The following SPOCK1 variants were observed in gnomAD, a reference collection of about 807,000 sequenced individuals.
The protein encoded by SPOCK1 is testican-1.
In SPOCK1, 23 loss-of-function variants were observed where a neutral mutation model predicts 55.3. That is an observed-to-expected ratio of 0.42 (90% confidence interval 0.30 to 0.59). The LOEUF is 0.59. Ranked by LOEUF, SPOCK1 falls within the 20% of genes least tolerant of loss-of-function variation. SPOCK1 has a pLI of 0.22. For synonymous variants in SPOCK1, 226 were observed against 221.0 expected (o/e 1.02, Z -0.20); for missense variants, 499 against 552.5 (o/e 0.90, Z 0.97).
At chr5:136,989,711 T>A (rs1424213743) in intron 7 of SPOCK1, among the ~76,000 whole-genome samples, 1 of 152,126 alleles carries the variant, frequency 6.6e-6, no homozygotes, top group East Asian at 1.9e-4. Flanking sequence ...ACACCTCTGC[T>A]AGCCTTCTGC....
chr5:137,482,803 A>T (rs778011378), intron 2 of SPOCK1, among the ~76,000 whole-genome samples: 28 of 152,340 alleles, frequency 1.8e-4, no homozygotes, highest in Middle Eastern at 3.4e-3. Context: ...CCATCTGGAG[A>T]CTGTCAGTTC....
At chr5:137,494,693 A>G (rs1003128213) in intron 2 of SPOCK1, among the ~76,000 whole-genome samples, 1 of 152,268 alleles carries the variant, frequency 6.6e-6, no homozygotes, top group African/African-American at 2.4e-5. Context: ...CATAAGTTAA[A>G]GAATTTCCTC....
At chr5:137,357,834 A>C (rs1750850302) in intron 2 of SPOCK1, among the ~76,000 whole-genome samples, 1 of 152,186 alleles carries the variant, frequency 6.6e-6, no homozygotes, top group East Asian at 1.9e-4. Context: ...TGGAACCCTT[A>C]TAATTCCCTC....
chr5:137,091,019 G>T (rs560493050), intron 5 of SPOCK1, among the ~76,000 whole-genome samples: 34 of 152,142 alleles, frequency 2.2e-4, no homozygotes, highest in Non-Finnish European at 3.4e-4. Context: ...ATGAAAATGG[G>T]GCCACAGGAT....
rs1211262430 is a variant in SPOCK1, at chr5:136,976,004, T to C, written c.*2650A>G. On this transcript the variant is annotated 3_prime_UTR_variant, in exon 11 of 11. Transcript: ENST00000394945. The stretch of plus-strand genomic sequence containing the variant: ...GAAGTGGTTTATTACAATATTTTTA[T>C]AATCAGTATTTTATGTGTACTTGGT... The C allele has an allele frequency of 6.6e-6, 1 of 152,342 alleles. No homozygotes were observed. Among genetic ancestry groups the C allele is most frequent in the East Asian group, 1.9e-4 (1 of 5,184 alleles). The allele number at this position is 152,342 out of a possible 1,614,324, so 9.4% of individuals were successfully genotyped here.
At chr5:137,465,040 A>G (rs1445708584) in intron 2 of SPOCK1, among the ~76,000 whole-genome samples, 4 of 152,178 alleles carry the variant, frequency 2.6e-5, no homozygotes, top group Non-Finnish European at 4.4e-5. Flanking sequence ...GAACAACGCT[A>G]TAGAAGCCAC....
chr5:137,205,011 A>G (rs1755494333), intron 3 of SPOCK1, among the ~76,000 whole-genome samples: 1 of 152,190 alleles, frequency 6.6e-6, no homozygotes, highest in African/African-American at 2.4e-5. Context: ...AGAAGTGATA[A>G]TCCCAATGAC....
chr5:137,408,838 G>T (rs557742068), intron 2 of SPOCK1, among the ~76,000 whole-genome samples: 36 of 152,292 alleles, frequency 2.4e-4, no homozygotes, highest in African/African-American at 7.9e-4. Context: ...CTTACTAGCT[G>T]CATGGCCTTG....
chr5:137,273,343 T>C (rs1490428939), intron 2 of SPOCK1: 4 of 980,752 alleles, frequency 4.1e-6, no homozygotes, highest in African/African-American at 1.7e-5. Context: ...TTTAATGCTA[T>C]GTCTACATAC....
At chr5:137,287,962 A>C (rs1440154734) in intron 2 of SPOCK1, among the ~76,000 whole-genome samples, 1 of 152,270 alleles carries the variant, frequency 6.6e-6, no homozygotes, top group Non-Finnish European at 1.5e-5. Context: ...AGAGGTAATC[A>C]ATAATCAAGA....
intron 2 of SPOCK1, among the ~76,000 whole-genome samples, chr5:137,323,920 C>T (rs1758027535): frequency 6.7e-6 from 1 of 148,874 alleles, no homozygotes; most frequent in Non-Finnish European, 1.5e-5. Flanking sequence ...CATAGAGGGT[C>T]CTCAAAAAAT....
intron 3 of SPOCK1, among the ~76,000 whole-genome samples, chr5:137,159,297 G>T (rs1754481640): frequency 6.6e-6 from 1 of 151,998 alleles, no homozygotes; most frequent in African/African-American, 2.4e-5. Context: ...AATATTCTAG[G>T]CCATAGAATA....
At chr5:137,101,188 A>C (rs1423037296) in intron 5 of SPOCK1, among the ~76,000 whole-genome samples, 1 of 152,234 alleles carries the variant, frequency 6.6e-6, no homozygotes, top group Non-Finnish European at 1.5e-5. Flanking sequence ...AAGCGACATG[A>C]TCATGAACTT....
At chr5:136,992,716 T>C in intron 6 of SPOCK1, 116 bp from the exon 7 acceptor site, 2 of 690,514 alleles carry the variant, frequency 2.9e-6, no homozygotes, top group East Asian at 2.7e-5. Context: ...ACGATATAAC[T>C]GTTACCTCAC....
intron 3 of SPOCK1, among the ~76,000 whole-genome samples, chr5:137,238,639 G>C (rs768924637): frequency 1.3e-5 from 2 of 152,168 alleles, no homozygotes; most frequent in Non-Finnish European, 2.9e-5. Flanking sequence ...TAGAGCTCAC[G>C]TAAAATCATG....
chr5:136,990,793 C>CAA (rs1750935511), intron 7 of SPOCK1, among the ~76,000 whole-genome samples: 2 of 152,098 alleles, frequency 1.3e-5, no homozygotes, highest in Admixed American at 1.3e-4. Context: ...GACTGGTCGG[C>CAA]AAAAAGAAGT....
intron 2 of SPOCK1, among the ~76,000 whole-genome samples, chr5:137,425,213 A>G (rs183223713): frequency 6.6e-6 from 1 of 152,232 alleles, no homozygotes; most frequent in Non-Finnish European, 1.5e-5. Context: ...CCTAGTGGAG[A>G]TACACTTATT....
intron 6 of SPOCK1, among the ~76,000 whole-genome samples, chr5:137,055,366 CA>C (rs750871527): frequency 4.0e-5 from 6 of 150,742 alleles, no homozygotes; most frequent in Non-Finnish European, 5.9e-5. Flanking sequence ...AATTTTAGGG[CA>C]AAAAAAACCC....
chr5:137,327,882 T>C (rs1758106123), intron 2 of SPOCK1, among the ~76,000 whole-genome samples: 2 of 151,976 alleles, frequency 1.3e-5, no homozygotes, highest in African/African-American at 2.4e-5. Flanking sequence ...ATCCAGATCC[T>C]CAAGCCAAAG....
Sources: allele counts gnomAD v4.1 joint callset (sites outside exome capture counted in the v4.1 genomes callset), GRCh38; gene constraint gnomAD v4.1.1; transcripts MANE v1.5; gene names NCBI Gene and HGNC (gene_info 2026-07-23, HGNC 2026-07-21).